Variants in RALY observed in about 807,000 individuals in gnomAD.
RALY encodes RALY heterogeneous nuclear ribonucleoprotein, also known as RNA-binding protein Raly.
Under a neutral mutation model 30.7 loss-of-function variants are expected in RALY, and 15 were observed. The ratio of observed to expected loss-of-function variants is 0.49; its 90% CI spans 0.33 to 0.75. RALY has a LOEUF of 0.75. Ranked by LOEUF, RALY falls within the 30% of genes least tolerant of loss-of-function variation. The pLI, the probability that RALY is intolerant of heterozygous loss-of-function variation, is 0.02. For synonymous variants in RALY, 177 were observed against 170.8 expected (o/e 1.04, Z -0.28); for missense variants, 339 against 414.3 (o/e 0.82, Z 1.58).
chr20:34,022,253 C>G (rs1460229304), intron 1 of RALY, among the ~76,000 whole-genome samples: 1 of 152,026 alleles, frequency 6.6e-6, no homozygotes, highest in Non-Finnish European at 1.5e-5. Flanking sequence ...ATTCTCTTCT[C>G]TATACCTTAT....
At chr20:34,054,827 AAAG>A (rs1401120329) in intron 2 of RALY, among the ~76,000 whole-genome samples, 11 of 149,838 alleles carry the variant, frequency 7.3e-5, no homozygotes, top group South Asian at 2.1e-4. Context: ...AAAAAAAAAA[AAAG>A]AAAGAAAGAA....
chr20:34,029,459 A>AGGAG (rs1225816860), intron 1 of RALY, among the ~76,000 whole-genome samples: 5 of 93,016 alleles, frequency 5.4e-5, no homozygotes, highest in East Asian at 7.4e-4. Context: ...AAAGGAAGAA[A>AGGAG]GGAGGGAGGG....
intron 2 of RALY, among the ~76,000 whole-genome samples, chr20:34,054,998 C>G (rs1239473287): frequency 7.2e-5 from 11 of 152,120 alleles, no homozygotes; most frequent in African/African-American, 1.9e-4. Flanking sequence ...ATTATCTTAA[C>G]ATTATCTCAT....
chr20:34,061,803 T>G (rs2033425640), intron 2 of RALY, among the ~76,000 whole-genome samples: 1 of 152,218 alleles, frequency 6.6e-6, no homozygotes, highest in Non-Finnish European at 1.5e-5. Context: ...GTCAAAGGTG[T>G]GGTAAGTAAG....
At chr20:34,064,016 GGTTA>G (rs1297084354) in intron 2 of RALY, among the ~76,000 whole-genome samples, 12 of 152,000 alleles carry the variant, frequency 7.9e-5, no homozygotes, top group South Asian at 2.1e-4. Flanking sequence ...ATAAATGATT[GGTTA>G]GTTAGTTATT....
intron 2 of RALY, among the ~76,000 whole-genome samples, chr20:34,038,699 GT>G (rs768753548): frequency 2.0e-5 from 3 of 152,186 alleles, no homozygotes; most frequent in Non-Finnish European, 4.4e-5. Context: ...ACCATTGTGT[GT>G]ATTCTTAATA....
At chr20:34,066,312 C>G (rs1174962821) in intron 2 of RALY, among the ~76,000 whole-genome samples, 1 of 151,864 alleles carries the variant, frequency 6.6e-6, no homozygotes, top group African/African-American at 2.4e-5. Flanking sequence ...AACCCCGTCT[C>G]TACTAAAAAT....
chr20:34,032,979 AAGAT>A (rs2032341690), intron 2 of RALY, among the ~76,000 whole-genome samples: 1 of 152,116 alleles, frequency 6.6e-6, no homozygotes. Flanking sequence ...ACTAGACTGA[AAGAT>A]AGGAAGAACC....
chr20:34,024,633 A>G (rs768096315), intron 1 of RALY, among the ~76,000 whole-genome samples: 2 of 152,212 alleles, frequency 1.3e-5, no homozygotes, highest in Admixed American at 6.5e-5. Context: ...CCTGTCATTA[A>G]GAAACCAGCT....
At chr20:34,044,326 A>AC (rs2032801927) in intron 2 of RALY, among the ~76,000 whole-genome samples, 1 of 150,380 alleles carries the variant, frequency 6.6e-6, no homozygotes, top group African/African-American at 2.4e-5. Flanking sequence ...TATGTGCGTT[A>AC]CTTTTTTTTT....
chr20:34,035,166 A>AC (rs2032439088), intron 2 of RALY, among the ~76,000 whole-genome samples: 2 of 117,952 alleles, frequency 1.7e-5, no homozygotes, highest in Non-Finnish European at 3.1e-5. Flanking sequence ...AAAAAAAAAA[A>AC]AAAAAAAAAA....
chr20:34,066,670 C>T (rs1391091860), intron 2 of RALY, among the ~76,000 whole-genome samples: 5 of 149,822 alleles, frequency 3.3e-5, no homozygotes, highest in Admixed American at 6.7e-5. Flanking sequence ...GGATTACTTG[C>T]GTGAGCCACT....
chr20:34,077,104 TGGTGGCGGTGGC>T lies in RALY; in HGVS notation c.742_753del (p.Gly248_Gly251del). 6.9e-6 allele frequency: 11 copies of T among 1,601,812 alleles called. No homozygotes were observed. Among genetic ancestry groups the T allele is most frequent in the Non-Finnish European group, 9.4e-6 (11 of 1,173,436 alleles). On this transcript the variant is annotated inframe_deletion, in exon 8 of 10. Transcript: ENST00000246194. ...GTGGCAGCGGTGGCGGTGGCAGTGG[TGGTGGCGGTGGC>T]GGTGGCAGCAGCCGGCCACCAGCCC...
At chr20:34,010,464 TGG>T (rs2031352316) in intron 1 of RALY, among the ~76,000 whole-genome samples, 1 of 152,162 alleles carries the variant, frequency 6.6e-6, no homozygotes, top group Admixed American at 6.5e-5. Context: ...CTTGAACTCC[TGG>T]GCTCAAGCCA....
intron 1 of RALY, among the ~76,000 whole-genome samples, chr20:34,007,285 G>T (rs1385026816): frequency 6.6e-6 from 1 of 152,172 alleles, no homozygotes; most frequent in Non-Finnish European, 1.5e-5. Context: ...ACTTTGGGAG[G>T]CCAAGGCAGG....
intron 1 of RALY, among the ~76,000 whole-genome samples, chr20:34,030,522 C>A (rs544633056): frequency 1.3e-5 from 2 of 152,330 alleles, no homozygotes; most frequent in East Asian, 3.9e-4. Context: ...AAATAAATCT[C>A]AGAGTCCTTG....
intron 8 of RALY, 42 bp from the exon 9 acceptor site, chr20:34,078,463 G>T: frequency 2.6e-6 from 4 of 1,523,720 alleles, no homozygotes; most frequent in Non-Finnish European, 3.5e-6. Flanking sequence ...CTCAGAGCTG[G>T]CAATGAGTGA....
intron 1 of RALY, among the ~76,000 whole-genome samples, chr20:34,027,645 A>G (rs758996407): frequency 6.6e-6 from 1 of 152,216 alleles, no homozygotes; most frequent in Non-Finnish European, 1.5e-5. Context: ...GACTGTTCTC[A>G]ATCATCTGTG....
intron 1 of RALY, among the ~76,000 whole-genome samples, chr20:34,011,934 C>T (rs772604755): frequency 1.3e-5 from 2 of 152,076 alleles, no homozygotes; most frequent in Non-Finnish European, 1.5e-5. Flanking sequence ...GGTGTAGTGG[C>T]GCACGCCTGT....
Sources: allele counts gnomAD v4.1 joint callset (sites outside exome capture counted in the v4.1 genomes callset), GRCh38; gene constraint gnomAD v4.1.1; transcripts MANE v1.5; gene names NCBI Gene and HGNC (gene_info 2026-07-23, HGNC 2026-07-21).